Variants in KLHL32 observed in about 807,000 individuals in gnomAD.
KLHL32 encodes the protein kelch like family member 32.
Under a neutral mutation model 64.8 loss-of-function variants are expected in KLHL32, and 35 were observed. That is an observed-to-expected ratio of 0.54 (90% CI 0.41 to 0.72). KLHL32 has a LOEUF of 0.72. Ranked by LOEUF, KLHL32 falls within the 30% of genes least tolerant of loss-of-function variation. KLHL32 has a pLI of 0.00. For synonymous variants in KLHL32, 259 were observed against 281.0 expected (o/e 0.92, Z 0.78); for missense variants, 589 against 768.5 (o/e 0.77, Z 2.76).
At chr6:97,099,957 C>A (rs1795486168) in intron 6 of KLHL32, among the ~76,000 whole-genome samples, 1 of 151,744 alleles carries the variant, frequency 6.6e-6, no homozygotes, top group African/African-American at 2.4e-5. Flanking sequence ...TCAGCTTGGC[C>A]AACATGGTGA....
intron 5 of KLHL32, among the ~76,000 whole-genome samples, chr6:97,075,198 A>C (rs1233107453): frequency 5.3e-5 from 8 of 152,176 alleles, no homozygotes; most frequent in Non-Finnish European, 1.2e-4. Flanking sequence ...AAGACTCCAA[A>C]AATTAGAGCA....
At chr6:97,048,967 C>T (rs1488235014) in intron 4 of KLHL32, among the ~76,000 whole-genome samples, 1 of 152,122 alleles carries the variant, frequency 6.6e-6, no homozygotes, top group Non-Finnish European at 1.5e-5. Context: ...CTGGCAGTAC[C>T]TACCTGGCAA....
intron 3 of KLHL32, among the ~76,000 whole-genome samples, chr6:97,015,361 G>T (rs1781012830): frequency 6.6e-6 from 1 of 152,210 alleles, no homozygotes; most frequent in South Asian, 2.1e-4. Context: ...ATGTGGGAAA[G>T]TTTGAAGCTC....
chr6:96,932,445 A>G (rs1217520811), intron 1 of KLHL32, among the ~76,000 whole-genome samples: 2 of 151,758 alleles, frequency 1.3e-5, no homozygotes, highest in Non-Finnish European at 2.9e-5. Context: ...GCCTTTCTAT[A>G]TAGCATTTAA....
intron 5 of KLHL32, among the ~76,000 whole-genome samples, chr6:97,084,727 G>A (rs1306132565): frequency 1.3e-5 from 2 of 152,026 alleles, no homozygotes; most frequent in East Asian, 1.9e-4. Context: ...ATCATGAATC[G>A]CCATTTACCT....
intron 3 of KLHL32, among the ~76,000 whole-genome samples, chr6:97,014,096 G>A (rs192075624): frequency 0.02 from 3,102 of 152,052 alleles, 53 homozygotes; most frequent in Non-Finnish European, 0.031. Context: ...CACGAGGTCA[G>A]GAGATCAAGA....
chr6:97,139,023 A>G (rs1219344349), intron 10 of KLHL32, 98 bp from the exon 11 acceptor site: 2 of 1,124,236 alleles, frequency 1.8e-6, no homozygotes, highest in Non-Finnish European at 2.5e-6. Flanking sequence ...TGATGGTGAC[A>G]TAACTGAATT....
intron 5 of KLHL32, among the ~76,000 whole-genome samples, chr6:97,068,161 G>A (rs758039600): frequency 2.0e-5 from 3 of 151,332 alleles, no homozygotes; most frequent in South Asian, 2.1e-4. Flanking sequence ...CTTTTTTGCC[G>A]TTACCTTTCC....
rs970356393 is a variant in KLHL32 at position 97,009,519 on chromosome 6, G to A, written c.205-31973G>A. 2.6e-5 allele frequency among the ~76,000 whole-genome samples: 4 copies of A among 152,276 alleles called. 1 individual carries two copies. Among genetic ancestry groups the A allele is most frequent in the African/African-American group, 9.6e-5 (4 of 41,550 alleles). Reference sequence around the variant, plus strand: ...CACTTGTATAAATGTACTTTGAAATGTTTGGAAAGTTGTGTATGGACTGGA... The same window carrying A: ...CACTTGTATAAATGTACTTTGAAATATTTGGAAAGTTGTGTATGGACTGGA... On this transcript the variant is annotated intron_variant, in intron 3 of 10. Coordinates refer to ENST00000369261, the MANE Select transcript of KLHL32 (RefSeq NM_052904.4).
At chr6:96,904,063 C>A in the KLHL32 span, among the ~76,000 whole-genome samples, 1 of 151,926 alleles carries the variant, frequency 6.6e-6, no homozygotes, top group Non-Finnish European at 1.5e-5. Flanking sequence ...GACCAAGGCC[C>A]AGGGCAATGG....
chr6:97,105,179 A>T (rs1031657226), intron 6 of KLHL32, among the ~76,000 whole-genome samples: 1 of 152,230 alleles, frequency 6.6e-6, no homozygotes, highest in African/African-American at 2.4e-5. Flanking sequence ...AATATCTAAA[A>T]CAATGTACTT....
intron 3 of KLHL32, among the ~76,000 whole-genome samples, chr6:97,019,760 T>C (rs1256539134): frequency 6.6e-6 from 1 of 152,026 alleles, no homozygotes; most frequent in Non-Finnish European, 1.5e-5. Flanking sequence ...CAGACATTCA[T>C]GAAACAGCAA....
intron 3 of KLHL32, among the ~76,000 whole-genome samples, chr6:97,011,041 A>T (rs1440961983): frequency 6.6e-6 from 1 of 152,196 alleles, no homozygotes; most frequent in African/African-American, 2.4e-5. Context: ...TAGATGGTAA[A>T]TGAGAGCTTC....
At position 97,114,275 on chromosome 6, in the gene KLHL32, C is replaced by T. The variant is rs556737146; in HGVS notation, c.1120C>T (p.Arg374Cys). 22 of 1,614,150 alleles carry T rather than the reference C, an allele frequency of 1.4e-5. No individual in the cohort carries two copies. Among genetic ancestry groups the T allele is most frequent in the African/African-American group, 8.0e-5 (6 of 75,036 alleles). Residue 374 changes from arginine (R) to cysteine (C), a missense_variant, in exon 7 of 11, where the codon CGC becomes TGC. Around this residue, in one of 3 missense-constraint regions of KLHL32, gnomAD observed 226 missense variants for 353.2 expected, o/e 0.64. Transcript: ENST00000369261. Reference sequence around the variant, plus strand: ...GAGGACTGCCTGTCGCTATGACCCCCGCAGTAATTCCTGGGCAGAGATAGC... The same window carrying T: ...GAGGACTGCCTGTCGCTATGACCCCTGCAGTAATTCCTGGGCAGAGATAGC... ...AVRTACRYDPRSNSWAEIAPM... is the reference protein window; with the variant it reads ...AVRTACRYDPCSNSWAEIAPM...
chr6:96,932,736 T>A (rs1055723387), intron 1 of KLHL32, among the ~76,000 whole-genome samples: 1 of 152,028 alleles, frequency 6.6e-6, no homozygotes, highest in Non-Finnish European at 1.5e-5. Flanking sequence ...CCAGCTAATT[T>A]TTAAAAATTT....
intron 3 of KLHL32, among the ~76,000 whole-genome samples, chr6:97,025,878 G>C (rs1034350392): frequency 6.6e-6 from 1 of 152,146 alleles, no homozygotes; most frequent in Non-Finnish European, 1.5e-5. Context: ...GTAGGACTCT[G>C]ACACAGGGCC....
the KLHL32 span, among the ~76,000 whole-genome samples, chr6:96,914,063 G>A: frequency 6.6e-6 from 1 of 152,102 alleles, no homozygotes; most frequent in African/African-American, 2.4e-5. Flanking sequence ...GCATGAGAAG[G>A]ATTTAGCCTA....
At chr6:97,087,277 C>T (rs530068503) in intron 6 of KLHL32, among the ~76,000 whole-genome samples, 4 of 152,142 alleles carry the variant, frequency 2.6e-5, no homozygotes, top group East Asian at 1.9e-4. Flanking sequence ...CAAATCAGAC[C>T]GCTATTTTGC....
At chr6:97,083,758 G>A (rs557648954) in intron 5 of KLHL32, among the ~76,000 whole-genome samples, 35 of 152,100 alleles carry the variant, frequency 2.3e-4, no homozygotes, top group East Asian at 1.5e-3. Context: ...ACTAGAAATG[G>A]CACTCTTTCT....
Sources: allele counts gnomAD v4.1 joint callset (sites outside exome capture counted in the v4.1 genomes callset), GRCh38; gene constraint gnomAD v4.1.1; regional missense constraint gnomAD v4.1.1; transcripts MANE v1.5; gene names NCBI Gene and HGNC (gene_info 2026-07-23, HGNC 2026-07-21).